TBC1D1: variants seen among roughly 807,000 people sequenced by gnomAD.
TBC1D1 encodes TBC1 domain family member 1.
Under a neutral mutation model 125.6 loss-of-function variants are expected in TBC1D1, and 89 were observed. The observed-to-expected ratio is 0.71, with a 90% CI of 0.60 to 0.85. TBC1D1 has a LOEUF of 0.85. Among genes scored for constraint, TBC1D1 ranks in the 40% least tolerant of loss-of-function variants. TBC1D1 has a pLI of 0.00. For synonymous variants in TBC1D1, 565 were observed against 564.1 expected, an observed-to-expected ratio of 1.00 and a Z score of -0.02; for missense variants, 1,377 against 1,469.2, an observed-to-expected ratio of 0.94 and a Z score of 1.03.
chr4:37,965,771 G>T (rs1022322834), intron 2 of TBC1D1, among the ~76,000 whole-genome samples: 1 of 151,948 alleles, frequency 6.6e-6, no homozygotes, highest in African/African-American at 2.4e-5. Flanking sequence ...ATTTATCTGA[G>T]ATGGAGTCTC....
chr4:38,096,820 C>G (rs1223874784), intron 14 of TBC1D1, among the ~76,000 whole-genome samples: 1 of 151,724 alleles, frequency 6.6e-6, no homozygotes, highest in Non-Finnish European at 1.5e-5. Context: ...TTTTGTTTTT[C>G]TACTAATTTA....
At position 38,138,249 on chromosome 4, in the gene TBC1D1, T is replaced by C. The variant is rs1251657230; in HGVS notation, c.*914T>C. ...GACACCTTTTAGACCCTACCAGGTATTGCTAGCATGTGAGCTGCAGTTGTG... is the reference window on the plus strand; with the variant it reads ...GACACCTTTTAGACCCTACCAGGTACTGCTAGCATGTGAGCTGCAGTTGTG... On this transcript the variant is annotated 3_prime_UTR_variant, in exon 20 of 20. Transcript: ENST00000261439. 6.6e-6 allele frequency: 1 copy of C among 152,208 alleles called. No individual in the cohort carries two copies. Among genetic ancestry groups the C allele is most frequent in the Non-Finnish European group, 1.5e-5 (1 of 68,028 alleles). The allele number at this position is 152,208 out of a possible 1,614,324, so 9.4% of individuals were successfully genotyped here. A position where few individuals can be genotyped will look rare whatever the true frequency, so the allele number is the denominator to read the frequency against.
chr4:38,084,712 A>AT (rs1460915782), intron 12 of TBC1D1, among the ~76,000 whole-genome samples: 1 of 149,190 alleles, frequency 6.7e-6, no homozygotes, highest in Non-Finnish European at 1.5e-5. Context: ...AATAACTGGA[A>AT]TTTTTTTAAC....
At chr4:37,960,552 C>G (rs1399948350) in intron 2 of TBC1D1, 1 of 1,614,014 alleles carries the variant, frequency 6.2e-7, no homozygotes, top group Non-Finnish European at 8.5e-7. Flanking sequence ...TGGGATATCT[C>G]AAGTTTTAAC....
intron 7 of TBC1D1, among the ~76,000 whole-genome samples, chr4:38,032,840 C>CA (rs1228708927): frequency 0.02 from 1,695 of 86,458 alleles, 26 homozygotes; most frequent in African/African-American, 0.037. Flanking sequence ...GACTCCATCT[C>CA]AAAAAAAAAA....
chr4:38,013,022 T>C (rs1434897292), intron 2 of TBC1D1, among the ~76,000 whole-genome samples: 1 of 151,962 alleles, frequency 6.6e-6, no homozygotes, highest in African/African-American at 2.4e-5. Context: ...CTCAACCTCC[T>C]GACCTCCTGA....
At chr4:38,124,854 G>A (rs910136438) in intron 17 of TBC1D1, 108 bp from the exon 20 acceptor site, 14 of 858,716 alleles carry the variant, frequency 1.6e-5, no homozygotes, top group Middle Eastern at 3.3e-4. Flanking sequence ...TGCAATGTGG[G>A]GCTATGTCTC....
At chr4:38,068,801 G>A (rs567034333) in intron 12 of TBC1D1, among the ~76,000 whole-genome samples, 39 of 152,310 alleles carry the variant, frequency 2.6e-4, no homozygotes, top group African/African-American at 9.4e-4. Flanking sequence ...TGAGAGCAGA[G>A]CTCTAGAACA....
At chr4:38,029,370 CTT>C (rs1308463424) in intron 7 of TBC1D1, among the ~76,000 whole-genome samples, 2 of 152,200 alleles carry the variant, frequency 1.3e-5, no homozygotes, top group African/African-American at 2.4e-5. Flanking sequence ...CTCTCTCTCT[CTT>C]TGTTGTTTTT....
chr4:37,924,758 C>T (rs915605268), intron 2 of TBC1D1, among the ~76,000 whole-genome samples: 1 of 152,160 alleles, frequency 6.6e-6, no homozygotes, highest in Admixed American at 6.5e-5. Context: ...CCACATTTTG[C>T]TTATCCATGT....
At chr4:37,983,079 G>A (rs562751204) in intron 2 of TBC1D1, among the ~76,000 whole-genome samples, 4 of 151,278 alleles carry the variant, frequency 2.6e-5, no homozygotes, top group African/African-American at 9.7e-5. Flanking sequence ...TTCTGGAGCA[G>A]TGAAGACCCA....
chr4:38,020,375 G>A (rs1048963844), intron 4 of TBC1D1, among the ~76,000 whole-genome samples: 12 of 152,148 alleles, frequency 7.9e-5, no homozygotes, highest in Non-Finnish European at 1.6e-4. Context: ...CTACTCAGGA[G>A]GCTGAGGCAC....
intron 12 of TBC1D1, among the ~76,000 whole-genome samples, chr4:38,075,993 TG>T (rs1228396134): frequency 1.3e-5 from 2 of 152,230 alleles, no homozygotes; most frequent in Non-Finnish European, 2.9e-5. Context: ...CCTTGCTTGT[TG>T]ATTATTTCTG....
chr4:37,957,670 A>G (rs1729193761), intron 2 of TBC1D1, among the ~76,000 whole-genome samples: 1 of 152,206 alleles, frequency 6.6e-6, no homozygotes, highest in African/African-American at 2.4e-5. Flanking sequence ...TTGAGATTCC[A>G]AAACAGTCTT....
intron 2 of TBC1D1, among the ~76,000 whole-genome samples, chr4:38,012,483 C>G (rs1463785054): frequency 3.3e-5 from 5 of 152,186 alleles, no homozygotes; most frequent in Non-Finnish European, 5.9e-5. Flanking sequence ...CCATTTTGCC[C>G]AGGATGGTCT....
At chr4:38,085,760 G>T (rs890485532) in intron 12 of TBC1D1, among the ~76,000 whole-genome samples, 2 of 152,172 alleles carry the variant, frequency 1.3e-5, no homozygotes, top group Non-Finnish European at 2.9e-5. Context: ...GCATTGCATC[G>T]CTGCATACAT....
chr4:38,048,541 CTTTTTTT>C (rs545432990), intron 10 of TBC1D1, among the ~76,000 whole-genome samples: 1 of 131,892 alleles, frequency 7.6e-6, no homozygotes, highest in Non-Finnish European at 1.7e-5. Flanking sequence ...AAACACATTT[CTTTTTTT>C]TTTTTTTTCA....
At chr4:38,072,554 C>T (rs1414558546) in intron 12 of TBC1D1, among the ~76,000 whole-genome samples, 2 of 152,112 alleles carry the variant, frequency 1.3e-5, no homozygotes, top group Non-Finnish European at 2.9e-5. Flanking sequence ...TTCAGAAAGG[C>T]CTGATTGGCT....
chr4:37,966,293 C>G (rs573729858), intron 2 of TBC1D1, among the ~76,000 whole-genome samples: 2 of 152,200 alleles, frequency 1.3e-5, no homozygotes, highest in African/African-American at 2.4e-5. Context: ...GATTGACCCA[C>G]TTTAGATGAC....
Sources: allele counts gnomAD v4.1 joint callset (sites outside exome capture counted in the v4.1 genomes callset), GRCh38; gene constraint gnomAD v4.1.1; transcripts MANE v1.5; gene names NCBI Gene and HGNC (gene_info 2026-07-23, HGNC 2026-07-21).